IMMP2L: variants seen among roughly 807,000 people sequenced by gnomAD.
The protein encoded by IMMP2L is inner mitochondrial membrane peptidase subunit 2.
A neutral mutation model predicts 19.3 loss-of-function variants in IMMP2L; 18 were observed. The ratio of observed to expected loss-of-function variants is 0.93; its 90% CI spans 0.64 to 1.38. The LOEUF is 1.38. Ranked by LOEUF, IMMP2L falls within the 40% of genes most tolerant of loss-of-function variation. The pLI, the probability that IMMP2L is intolerant of heterozygous loss-of-function variation, is 0.00. For synonymous variants in IMMP2L, 76 were observed against 73.0 expected (o/e 1.04, Z -0.21); for missense variants, 233 against 218.2 (o/e 1.07, Z -0.43).
intron 3 of IMMP2L, among the ~76,000 whole-genome samples, chr7:111,316,078 G>A (rs1274669370): frequency 1.3e-5 from 2 of 152,108 alleles, no homozygotes; most frequent in East Asian, 3.9e-4. Context: ...ATAGGCAATT[G>A]TAGCACAATG....
chr7:111,528,038 T>C (rs115487012), intron 1 of IMMP2L, among the ~76,000 whole-genome samples: 5 of 152,186 alleles, frequency 3.3e-5, no homozygotes, highest in Non-Finnish European at 7.3e-5. Context: ...TAAAAGCTTC[T>C]ATCATGTAAA....
intron 4 of IMMP2L, among the ~76,000 whole-genome samples, chr7:110,891,537 C>T (rs906263668): frequency 6.6e-6 from 1 of 152,202 alleles, no homozygotes; most frequent in African/African-American, 2.4e-5. Flanking sequence ...TTTGGAAATA[C>T]CCACCTTAGT....
chr7:111,262,890 T>G (rs1398204654), intron 3 of IMMP2L, among the ~76,000 whole-genome samples: 1 of 152,146 alleles, frequency 6.6e-6, no homozygotes, highest in East Asian at 1.9e-4. Context: ...CCTGTATCTT[T>G]GACATTAATT....
At chr7:111,122,063 A>G (rs1349110834) in intron 3 of IMMP2L, among the ~76,000 whole-genome samples, 1 of 127,144 alleles carries the variant, frequency 7.9e-6, no homozygotes, top group Non-Finnish European at 1.6e-5. Flanking sequence ...GGAACATCAC[A>G]CACCGGGGCC....
At chr7:111,169,628 A>ACT (rs938839135) in intron 3 of IMMP2L, among the ~76,000 whole-genome samples, 7 of 151,386 alleles carry the variant, frequency 4.6e-5, no homozygotes, top group Non-Finnish European at 8.9e-5. Context: ...TTGCCCTGTG[A>ACT]CTCTCTCTCT....
intron 3 of IMMP2L, among the ~76,000 whole-genome samples, chr7:111,468,318 G>A (rs900137943): frequency 6.6e-6 from 1 of 151,846 alleles, no homozygotes; most frequent in Non-Finnish European, 1.5e-5. Flanking sequence ...TCCACACAGG[G>A]ATTTACTTAC....
intron 5 of IMMP2L, among the ~76,000 whole-genome samples, chr7:110,721,919 C>T (rs1393354879): frequency 6.6e-6 from 1 of 151,916 alleles, no homozygotes; most frequent in African/African-American, 2.4e-5. Context: ...AAGTTGTAAA[C>T]AATCATAAGA....
At chr7:111,093,556 C>T (rs921442020) in intron 3 of IMMP2L, among the ~76,000 whole-genome samples, 14 of 152,086 alleles carry the variant, frequency 9.2e-5, no homozygotes, top group African/African-American at 3.1e-4. Context: ...AAATCTAACC[C>T]GCCTTATTTT....
chr7:110,934,824 G>A (rs1411710338), intron 4 of IMMP2L, among the ~76,000 whole-genome samples: 3 of 152,090 alleles, frequency 2.0e-5, no homozygotes, highest in Non-Finnish European at 4.4e-5. Context: ...TGCAACCACT[G>A]CTTTTTTTGC....
At chr7:111,179,715 C>T (rs1328253898) in intron 3 of IMMP2L, among the ~76,000 whole-genome samples, 1 of 152,088 alleles carries the variant, frequency 6.6e-6, no homozygotes, top group Non-Finnish European at 1.5e-5. Flanking sequence ...TATCAAAGTC[C>T]TACACGGCAT....
chr7:110,830,142 G>C (rs1315141690), intron 5 of IMMP2L, among the ~76,000 whole-genome samples: 1 of 152,088 alleles, frequency 6.6e-6, no homozygotes, highest in Non-Finnish European at 1.5e-5. Flanking sequence ...CATGAGAAAA[G>C]AGGTTAAAAA....
At chr7:111,429,185 A>C (rs371568016) in intron 3 of IMMP2L, among the ~76,000 whole-genome samples, 4 of 152,002 alleles carry the variant, frequency 2.6e-5, no homozygotes, top group African/African-American at 9.7e-5. Flanking sequence ...CAGCTTCATG[A>C]ATCTCTGGGA....
intron 2 of IMMP2L, among the ~76,000 whole-genome samples, chr7:111,520,468 T>C (rs562163227): frequency 6.6e-6 from 1 of 152,236 alleles, no homozygotes; most frequent in South Asian, 2.1e-4. Context: ...AGCAAACTAA[T>C]TCTAACTCCT....
At chr7:111,278,451 T>C (rs37746) in intron 3 of IMMP2L, among the ~76,000 whole-genome samples, 85,118 of 151,898 alleles carry the variant, frequency 0.56, 24,498 homozygotes, top group South Asian at 0.72. Context: ...ACTTTTATTG[T>C]CAAAAAAACA....
At chr7:111,305,809 G>C (rs1040194504) in intron 3 of IMMP2L, among the ~76,000 whole-genome samples, 4 of 152,158 alleles carry the variant, frequency 2.6e-5, no homozygotes, top group Non-Finnish European at 5.9e-5. Flanking sequence ...CTCCCTGTGA[G>C]AATGTCACTA....
chr7:110,837,528 C>A (rs554299016), intron 5 of IMMP2L, among the ~76,000 whole-genome samples: 4 of 152,078 alleles, frequency 2.6e-5, no homozygotes, highest in African/African-American at 9.6e-5. Context: ...AGACATGAGG[C>A]TGAAGGAGGG....
At chr7:111,347,062 G>C (rs1827641048) in intron 3 of IMMP2L, among the ~76,000 whole-genome samples, 2 of 152,106 alleles carry the variant, frequency 1.3e-5, no homozygotes, top group South Asian at 4.1e-4. Flanking sequence ...AAGAAGAGAG[G>C]TGGGAAAAGG....
chr7:110,906,778 T>C (rs258992), intron 4 of IMMP2L, among the ~76,000 whole-genome samples: 79,845 of 151,934 alleles, frequency 0.53, 22,181 homozygotes, highest in East Asian at 0.85. Context: ...GTTAATATTG[T>C]AAAGTGCTTA....
intron 3 of IMMP2L, among the ~76,000 whole-genome samples, chr7:111,203,832 G>GA (rs1032762366): frequency 2.2e-4 from 33 of 151,586 alleles, no homozygotes; most frequent in South Asian, 6.3e-4. Flanking sequence ...TCAAATATTT[G>GA]AAAAAAAATC....
Sources: allele counts gnomAD v4.1 joint callset (sites outside exome capture counted in the v4.1 genomes callset), GRCh38; gene constraint gnomAD v4.1.1; transcripts MANE v1.5; gene names NCBI Gene and HGNC (gene_info 2026-07-23, HGNC 2026-07-21).